The following CCSER1 variants were observed in gnomAD, a reference collection of about 807,000 sequenced individuals.
The protein encoded by CCSER1 is coiled-coil serine rich protein 1.
In CCSER1, 41 loss-of-function variants were observed where a neutral mutation model predicts 82.0. The observed-to-expected ratio is 0.50, with a 90% CI of 0.39 to 0.65. The LOEUF (loss-of-function observed/expected upper bound fraction) is 0.65, where lower values mean the gene tolerates loss of function less well. Among genes scored for constraint, CCSER1 ranks in the 30% least tolerant of loss-of-function variants. The probability of loss-of-function intolerance (pLI) is 0.00; values close to 1 mark genes in which losing one functional copy is unlikely to be tolerated. For missense variants in CCSER1, 1,119 were observed against 1,064.2 expected (o/e 1.05, Z -0.72); for synonymous variants, 414 against 383.9 (o/e 1.08, Z -0.92).
At chr4:91,157,230 G>A (rs992408934) in intron 10 of CCSER1, among the ~76,000 whole-genome samples, 12 of 151,924 alleles carry the variant, frequency 7.9e-5, no homozygotes, top group East Asian at 5.8e-4. Context: ...GTTGTTATTC[G>A]AAATCAGACT....
chr4:91,017,020 A>T (rs1407706877), intron 9 of CCSER1: 1 of 152,186 alleles, frequency 6.6e-6, no homozygotes, highest in Non-Finnish European at 1.5e-5. Flanking sequence ...TCTGAAAAGT[A>T]CCTGCCTCCC....
intron 10 of CCSER1, among the ~76,000 whole-genome samples, chr4:91,161,502 C>T (rs192993865): frequency 6.6e-6 from 1 of 152,132 alleles, no homozygotes; most frequent in Non-Finnish European, 1.5e-5. Flanking sequence ...GCAGTATGGC[C>T]ATTTTCATGA....
intron 10 of CCSER1, among the ~76,000 whole-genome samples, chr4:91,537,564 A>G (rs1761358306): frequency 6.6e-6 from 1 of 152,024 alleles, no homozygotes; most frequent in Non-Finnish European, 1.5e-5. Context: ...TGACACTTTA[A>G]ATGATCTTTT....
At chr4:90,873,785 A>T (rs1040523067) in intron 8 of CCSER1, among the ~76,000 whole-genome samples, 2 of 152,152 alleles carry the variant, frequency 1.3e-5, no homozygotes, top group African/African-American at 4.8e-5. Flanking sequence ...AACAACTAAT[A>T]TTAAGCTAAA....
intron 1 of CCSER1, among the ~76,000 whole-genome samples, chr4:90,298,121 C>T (rs538840858): frequency 2.3e-3 from 352 of 152,200 alleles, no homozygotes; most frequent in African/African-American, 8.0e-3. Flanking sequence ...TCCATCTGGT[C>T]CTGGACTCTT....
At position 91,601,386 on chromosome 4, in the gene CCSER1, G is replaced by A. The variant is rs1018015007; in HGVS notation, c.*2329G>A. On this transcript the variant is annotated 3_prime_UTR_variant, in exon 11 of 11. Coordinates refer to ENST00000509176, the MANE Select transcript of CCSER1 (RefSeq NM_001145065.2). ...ATCATCTTAAAGCTGTTTTGTATCA[G>A]TATTTTCAACATTGTTATAATATTA... The A allele has an allele frequency of 1.2e-4, 18 of 152,026 alleles. No homozygotes were observed. Among genetic ancestry groups the A allele is most frequent in the African/African-American group, 4.3e-4 (18 of 41,422 alleles). 9.4% of individuals were successfully genotyped at this position (152,026 alleles called of 1,614,324 possible).
chr4:90,316,469 A>T (rs907516144), intron 3 of CCSER1, among the ~76,000 whole-genome samples: 1 of 152,214 alleles, frequency 6.6e-6, no homozygotes, highest in Non-Finnish European at 1.5e-5. Context: ...AACAAAATTT[A>T]GTGCTTAATC....
At chr4:90,396,511 A>C (rs995395456) in intron 3 of CCSER1, among the ~76,000 whole-genome samples, 2 of 152,210 alleles carry the variant, frequency 1.3e-5, no homozygotes, top group Non-Finnish European at 2.9e-5. Flanking sequence ...ATATAAATTA[A>C]CAATTTTCTA....
At chr4:90,205,971 T>C (rs1450634282) in intron 1 of CCSER1, among the ~76,000 whole-genome samples, 3 of 152,196 alleles carry the variant, frequency 2.0e-5, no homozygotes, top group East Asian at 3.8e-4. Context: ...CTAGATTTTC[T>C]AGTTTATTTG....
At chr4:90,696,180 C>T (rs1024305892) in intron 6 of CCSER1, among the ~76,000 whole-genome samples, 18 of 152,040 alleles carry the variant, frequency 1.2e-4, no homozygotes, top group African/African-American at 4.1e-4. Flanking sequence ...TGCCACCAGT[C>T]AAGGTGAATA....
intron 6 of CCSER1, among the ~76,000 whole-genome samples, chr4:90,682,090 TA>T: frequency 6.6e-6 from 1 of 152,108 alleles, no homozygotes; most frequent in South Asian, 2.1e-4. Flanking sequence ...AGCTTTCTCC[TA>T]CCACTTTTGA....
chr4:90,195,669 T>C (rs767078522), intron 1 of CCSER1, among the ~76,000 whole-genome samples: 2 of 152,060 alleles, frequency 1.3e-5, no homozygotes, highest in Non-Finnish European at 2.9e-5. Context: ...ATGGGAAATC[T>C]CTATAACTTC....
At chr4:91,101,233 G>GA (rs1439676205) in intron 10 of CCSER1, among the ~76,000 whole-genome samples, 2 of 152,144 alleles carry the variant, frequency 1.3e-5, no homozygotes, top group Non-Finnish European at 1.5e-5. Flanking sequence ...ATTACATGAA[G>GA]AAACAGTTCA....
chr4:90,422,716 T>A (rs1756885915), intron 4 of CCSER1, among the ~76,000 whole-genome samples: 1 of 152,168 alleles, frequency 6.6e-6, no homozygotes, highest in Admixed American at 6.6e-5. Flanking sequence ...ATTACCTAAT[T>A]TTCTGCTATG....
chr4:90,199,585 C>T (rs908962929), intron 1 of CCSER1, among the ~76,000 whole-genome samples: 4 of 105,696 alleles, frequency 3.8e-5, no homozygotes, highest in Admixed American at 2.7e-4. Flanking sequence ...TCTTCCAGTT[C>T]TCTCCTTTGC....
intron 10 of CCSER1, among the ~76,000 whole-genome samples, chr4:91,404,948 C>T (rs1466590369): frequency 6.6e-6 from 1 of 152,052 alleles, no homozygotes; most frequent in African/African-American, 2.4e-5. Context: ...CCTGGATATC[C>T]TTGTTAACTT....
chr4:90,661,765 G>T (rs2149098147), intron 6 of CCSER1, among the ~76,000 whole-genome samples: 1 of 151,994 alleles, frequency 6.6e-6, no homozygotes, highest in Non-Finnish European at 1.5e-5. Context: ...TTTATACACT[G>T]TTTTTGTTCT....
At chr4:90,236,184 C>A (rs1745760849) in intron 1 of CCSER1, among the ~76,000 whole-genome samples, 1 of 152,122 alleles carries the variant, frequency 6.6e-6, no homozygotes. Context: ...CCGCTGTGGC[C>A]TCGCAAAATG....
At chr4:90,811,501 T>C (rs1758279700) in intron 7 of CCSER1, among the ~76,000 whole-genome samples, 1 of 152,142 alleles carries the variant, frequency 6.6e-6, no homozygotes, top group South Asian at 2.1e-4. Flanking sequence ...GAAAAATCAC[T>C]TTAGAGACAA....
Sources: gnomAD v4.1 joint callset for allele counts (sites outside exome capture counted in the v4.1 genomes callset) on GRCh38, gnomAD v4.1.1 for gene constraint, MANE v1.5 for transcripts, NCBI Gene and HGNC (gene_info 2026-07-23, HGNC 2026-07-21) for gene names.